IPO11: variants seen among roughly 807,000 people sequenced by gnomAD.
The protein encoded by IPO11 is importin 11, also known as importin-11.
A neutral mutation model predicts 143.2 loss-of-function variants in IPO11; 66 were observed. The observed-to-expected ratio is 0.46, with a 90% CI of 0.38 to 0.57. The LOEUF (loss-of-function observed/expected upper bound fraction) is 0.57. Among genes scored for constraint, IPO11 ranks in the 20% least tolerant of loss-of-function variants. IPO11 has a pLI of 0.00. For missense variants in IPO11, 1,026 were observed against 1,141.0 expected, an observed-to-expected ratio of 0.90 and a Z score of 1.45; for synonymous variants, 385 against 377.8, an observed-to-expected ratio of 1.02 and a Z score of -0.22.
chr5:62,604,842 T>G (rs913060768), intron 29 of IPO11, among the ~76,000 whole-genome samples: 2 of 152,206 alleles, frequency 1.3e-5, no homozygotes, highest in African/African-American at 4.8e-5. Flanking sequence ...TGTATAACAT[T>G]TAATAAATCC....
chr5:62,572,220 A>T (rs988410045), intron 27 of IPO11, among the ~76,000 whole-genome samples: 1 of 152,170 alleles, frequency 6.6e-6, no homozygotes, highest in South Asian at 2.1e-4. Context: ...ATATTCCTAG[A>T]TATTTCATTA....
chr5:62,537,853 A>G (rs1037056953), intron 24 of IPO11, among the ~76,000 whole-genome samples: 17 of 152,024 alleles, frequency 1.1e-4, no homozygotes, highest in Admixed American at 5.2e-4. Flanking sequence ...TTACATATAA[A>G]CATAAATGTA....
intron 29 of IPO11, among the ~76,000 whole-genome samples, chr5:62,618,596 G>A (rs1746227875): frequency 1.3e-5 from 2 of 152,122 alleles, no homozygotes; most frequent in East Asian, 1.9e-4. Flanking sequence ...AAAATATTAG[G>A]GATAAGAAGG....
chr5:62,603,641 G>C (rs561269090), intron 29 of IPO11, among the ~76,000 whole-genome samples: 34 of 152,326 alleles, frequency 2.2e-4, no homozygotes, highest in African/African-American at 7.5e-4. Context: ...AAACACGCCA[G>C]TTCACCTAGT....
intron 27 of IPO11, among the ~76,000 whole-genome samples, chr5:62,591,313 T>C (rs1266011107): frequency 2.0e-5 from 3 of 152,200 alleles, no homozygotes; most frequent in Non-Finnish European, 4.4e-5. Flanking sequence ...AACATAAGAC[T>C]GTTATAAATC....
chr5:62,440,899 G>T (rs1404502493), intron 2 of IPO11, among the ~76,000 whole-genome samples: 1 of 151,738 alleles, frequency 6.6e-6, no homozygotes, highest in Non-Finnish European at 1.5e-5. Context: ...GGAGGTGGAG[G>T]TTGCAGTGAG....
intron 1 of IPO11, among the ~76,000 whole-genome samples, chr5:62,413,194 G>C (rs1683766502): frequency 6.6e-6 from 1 of 152,228 alleles, no homozygotes; most frequent in Non-Finnish European, 1.5e-5. Context: ...GCTAGGCTGA[G>C]CAGAGGCGAG....
intron 24 of IPO11, among the ~76,000 whole-genome samples, chr5:62,549,586 G>A (rs1743325746): frequency 6.6e-6 from 1 of 152,218 alleles, no homozygotes; most frequent in East Asian, 1.9e-4. Context: ...CCTCTCAGAT[G>A]GTATCTGTTT....
chr5:62,626,495 G>A (rs1580406512), intron 29 of IPO11, among the ~76,000 whole-genome samples: 2 of 152,264 alleles, frequency 1.3e-5, no homozygotes, highest in African/African-American at 4.8e-5. Flanking sequence ...CTTAGCCTGG[G>A]TCCAGGTGTG....
intron 27 of IPO11, among the ~76,000 whole-genome samples, chr5:62,562,972 T>C (rs1743822425): frequency 6.6e-6 from 1 of 152,192 alleles, no homozygotes; most frequent in Non-Finnish European, 1.5e-5. Context: ...AAGTAACATA[T>C]CTAAGATAAG....
rs1222515440 is a variant in IPO11 at position 62,435,178 on chromosome 5, A to ATATGTATATG, written c.-6-2095_-6-2094insATGTATATGT. On this transcript the variant is annotated intron_variant, in intron 1 of 29. Transcript: ENST00000325324. ...TATATATATGTATATATATGTATAT[A>ATATGTATATG]TGTATATATATGTATATATATGTAT... Among the ~76,000 whole-genome samples, 34 of 75,986 alleles carry ATATGTATATG rather than the reference A, an allele frequency of 4.5e-4. 3 individuals are homozygous for ATATGTATATG. Among genetic ancestry groups the ATATGTATATG allele is most frequent in the African/African-American group, 1.7e-3 (33 of 19,738 alleles). 49.8% of individuals were successfully genotyped at this position (75,986 alleles called of 152,430 possible).
chr5:62,603,517 TG>T (rs1745584497), intron 29 of IPO11, among the ~76,000 whole-genome samples: 1 of 152,248 alleles, frequency 6.6e-6, no homozygotes, highest in African/African-American at 2.4e-5. Context: ...CGGTAGTGGG[TG>T]GCTGGAGCCT....
At chr5:62,441,277 A>G (rs1411207542) in intron 2 of IPO11, among the ~76,000 whole-genome samples, 2 of 151,678 alleles carry the variant, frequency 1.3e-5, no homozygotes, top group African/African-American at 4.8e-5. Flanking sequence ...AGCTCACAAC[A>G]TCCTCTCCCC....
At chr5:62,592,035 A>G (rs998140084) in intron 28 of IPO11, among the ~76,000 whole-genome samples, 2 of 152,124 alleles carry the variant, frequency 1.3e-5, no homozygotes, top group African/African-American at 4.8e-5. Flanking sequence ...TTTTTAGTAG[A>G]GACGGGGTTT....
At chr5:62,513,634 G>T (rs1471410492) in intron 19 of IPO11, among the ~76,000 whole-genome samples, 2 of 146,100 alleles carry the variant, frequency 1.4e-5, no homozygotes, top group Non-Finnish European at 3.0e-5. Flanking sequence ...AGTAGGGGCG[G>T]CCGGGCAGAG....
At chr5:62,488,605 C>T (rs1746495332) in intron 13 of IPO11, among the ~76,000 whole-genome samples, 2 of 152,140 alleles carry the variant, frequency 1.3e-5, no homozygotes, top group Admixed American at 1.3e-4. Context: ...AAAAGAGGAT[C>T]TTAAGGACAG....
At chr5:62,435,140 A>ATATATGTATATGTATGTATATG (rs1561308912) in intron 1 of IPO11, among the ~76,000 whole-genome samples, 1 of 54,534 alleles carries the variant, frequency 1.8e-5, no homozygotes, top group African/African-American at 7.9e-5. Flanking sequence ...ATATATGTAT[A>ATATATGTATATGTATGTATATG]TATGTATATA....
chr5:62,569,982 A>G (rs1248138999), intron 27 of IPO11, among the ~76,000 whole-genome samples: 2 of 152,210 alleles, frequency 1.3e-5, no homozygotes, highest in East Asian at 1.9e-4. Flanking sequence ...TGTATAAGCT[A>G]TGCATATGTA....
At chr5:62,541,388 A>C (rs1430801671) in intron 24 of IPO11, among the ~76,000 whole-genome samples, 1 of 150,478 alleles carries the variant, frequency 6.6e-6, no homozygotes, top group African/African-American at 2.4e-5. Context: ...AAAAAAAAAA[A>C]TTGTATTTTG....
Sources: gnomAD v4.1 joint callset for allele counts (sites outside exome capture counted in the v4.1 genomes callset) on GRCh38, gnomAD v4.1.1 for gene constraint, MANE v1.5 for transcripts, NCBI Gene and HGNC (gene_info 2026-07-23, HGNC 2026-07-21) for gene names.